The following RAD54B variants were observed in gnomAD, a reference collection of about 807,000 sequenced individuals.
RAD54B encodes the protein DNA repair and recombination protein RAD54B.
A neutral mutation model predicts 95.8 loss-of-function variants in RAD54B; 78 were observed. The ratio of observed to expected loss-of-function variants is 0.81; its 90% CI spans 0.68 to 0.98. The LOEUF (loss-of-function observed/expected upper bound fraction) is 0.98. Ranked by LOEUF, RAD54B falls within the 50% of genes least tolerant of loss-of-function variation. The pLI is 0.00. For missense variants in RAD54B, 957 were observed against 1,056.6 expected, an observed-to-expected ratio of 0.91 and a Z score of 1.31; for synonymous variants, 328 against 354.9, an observed-to-expected ratio of 0.92 and a Z score of 0.85.
intron 3 of RAD54B, chr8:94,428,296 A>T (rs2130091168): frequency 1.0e-6 from 1 of 982,230 alleles, no homozygotes; most frequent in Non-Finnish European, 1.2e-6. Flanking sequence ...TTGTAATTAA[A>T]GCTCATGGAC....
chr8:94,387,956 CT>C (rs985226874), intron 10 of RAD54B, among the ~76,000 whole-genome samples: 15 of 152,150 alleles, frequency 9.9e-5, no homozygotes, highest in African/African-American at 1.4e-4. Context: ...ACCTAAACCC[CT>C]TGTCTGGAAT....
At chr8:94,449,346 G>A (rs1421796555) in intron 3 of RAD54B, among the ~76,000 whole-genome samples, 1 of 151,908 alleles carries the variant, frequency 6.6e-6, no homozygotes, top group Non-Finnish European at 1.5e-5. Flanking sequence ...AGTGGCTCAC[G>A]CCTGTAATCC....
intron 4 of RAD54B, among the ~76,000 whole-genome samples, chr8:94,408,072 A>G (rs888569039): frequency 3.9e-5 from 6 of 152,164 alleles, no homozygotes; most frequent in African/African-American, 1.2e-4. Flanking sequence ...CAGAAACATC[A>G]TGGTACCTCT....
chr8:94,400,291 C>A lies in RAD54B; in HGVS notation c.1117G>T (p.Glu373Ter). Residue 373 changes from glutamate to a stop codon, truncating the protein, a stop_gained, in exon 7 of 15, where the codon GAA becomes TAA. Coordinates refer to ENST00000336148, the MANE Select transcript of RAD54B (RefSeq NM_012415.3). LOFTEE classifies it high-confidence loss of function. ...PGSLVNNWKK[E>*]FQKWLGSERI... ...TCACTTCCTAGCCATTTTTGAAATTCTTTCTTCCAATTATTCACCAAGCTT... is the reference window on the plus strand; with the variant it reads ...TCACTTCCTAGCCATTTTTGAAATTATTTCTTCCAATTATTCACCAAGCTT... 6.2e-7 allele frequency: 1 copy of A among 1,613,720 alleles called. No homozygotes were observed. The highest frequency in any genetic ancestry group is 1.1e-5 in the South Asian group (1 of 91,070).
At chr8:94,380,984 C>T (rs1810725517) in intron 11 of RAD54B, among the ~76,000 whole-genome samples, 1 of 152,088 alleles carries the variant, frequency 6.6e-6, no homozygotes, top group Non-Finnish European at 1.5e-5. Flanking sequence ...AAACTTAGAC[C>T]AGGGAACTGA....
At chr8:94,405,189 T>C (rs1157174294) in intron 5 of RAD54B, among the ~76,000 whole-genome samples, 1 of 152,052 alleles carries the variant, frequency 6.6e-6, no homozygotes, top group Non-Finnish European at 1.5e-5. Context: ...CTAACACAAT[T>C]TAAAAGATTT....
intron 3 of RAD54B, among the ~76,000 whole-genome samples, chr8:94,441,343 A>T (rs1357428863): frequency 6.6e-6 from 1 of 152,198 alleles, no homozygotes; most frequent in African/African-American, 2.4e-5. Flanking sequence ...GGCCTCCAGA[A>T]CATCTAACCA....
At chr8:94,471,226 A>G (rs10106494) in intron 1 of RAD54B, among the ~76,000 whole-genome samples, 45,962 of 145,720 alleles carry the variant, frequency 0.32, 7,528 homozygotes, top group East Asian at 0.44. Context: ...TACACAGAAG[A>G]GGTTCAGTAT....
At chr8:94,415,824 T>C (rs1320164043) in intron 3 of RAD54B, among the ~76,000 whole-genome samples, 1 of 149,878 alleles carries the variant, frequency 6.7e-6, no homozygotes, top group African/African-American at 2.4e-5. Context: ...GGAGATACCA[T>C]CTCACACCAG....
At chr8:94,427,677 A>G (rs1586161171) in intron 3 of RAD54B, 1 of 975,690 alleles carries the variant, frequency 1.0e-6, no homozygotes, top group Admixed American at 6.2e-5. Context: ...GTACTGAATT[A>G]TTTGTCTTAA....
intron 2 of RAD54B, among the ~76,000 whole-genome samples, chr8:94,463,963 T>G (rs1357543790): frequency 1.3e-5 from 2 of 151,100 alleles, no homozygotes; most frequent in African/African-American, 4.9e-5. Context: ...CACAAAAATT[T>G]GTACACAAAC....
At chr8:94,424,338 C>A (rs1253361504) in intron 3 of RAD54B, among the ~76,000 whole-genome samples, 2 of 152,168 alleles carry the variant, frequency 1.3e-5, no homozygotes, top group Non-Finnish European at 2.9e-5. Context: ...ACTTACCTCG[C>A]AAACCTACTG....
At position 94,398,912 on chromosome 8, in the gene RAD54B, A is replaced by G. The variant is rs560140543; in HGVS notation, c.1378+502T>C. Among the ~76,000 whole-genome samples, 9 of 152,232 alleles carry G rather than the reference A, an allele frequency of 5.9e-5. No homozygotes were observed. The East Asian group carries it at 1.7e-3, about 29-fold the overall frequency. ...TAGCATATACATATAAAAATAACTG[A>G]TATTTATATTAAACACTTACCACAT... is the stretch of plus-strand genomic sequence containing the variant. On this transcript the variant is annotated intron_variant, in intron 8 of 14. Coordinates refer to ENST00000336148, the MANE Select transcript of RAD54B (RefSeq NM_012415.3).
intron 3 of RAD54B, among the ~76,000 whole-genome samples, chr8:94,450,327 C>G (rs889284917): frequency 6.6e-6 from 1 of 152,160 alleles, no homozygotes; most frequent in African/African-American, 2.4e-5. Flanking sequence ...ATCAAAGTCT[C>G]TTTGAGACTG....
chr8:94,382,616 T>TAACTTATC (rs1810772224), intron 11 of RAD54B, among the ~76,000 whole-genome samples: 1 of 152,184 alleles, frequency 6.6e-6, no homozygotes. Context: ...TTAATATGAT[T>TAACTTATC]TGGCTCTGTG....
At chr8:94,411,467 T>C in intron 3 of RAD54B, 152 bp from the exon 4 acceptor site, 1 of 605,278 alleles carries the variant, frequency 1.7e-6, no homozygotes, top group Non-Finnish European at 2.7e-6. Flanking sequence ...TAGCATTTTA[T>C]AAACTAAGAA....
At chr8:94,382,135 G>T (rs946052759) in intron 11 of RAD54B, among the ~76,000 whole-genome samples, 6 of 147,100 alleles carry the variant, frequency 4.1e-5, no homozygotes, top group Non-Finnish European at 9.0e-5. Flanking sequence ...AAAAAAGAGA[G>T]CGAGAAAGGA....
chr8:94,396,200 TA>T (rs1304561182), intron 8 of RAD54B, among the ~76,000 whole-genome samples: 1 of 152,054 alleles, frequency 6.6e-6, no homozygotes, highest in Non-Finnish European at 1.5e-5. Flanking sequence ...AGTGGTAATT[TA>T]GATCCCCATT....
chr8:94,377,954 C>T (rs1810634845), intron 14 of RAD54B, among the ~76,000 whole-genome samples: 1 of 105,724 alleles, frequency 9.5e-6, no homozygotes, highest in South Asian at 3.5e-4. Context: ...CCAGCCTGGG[C>T]GACAGAGCGA....
Sources: allele counts gnomAD v4.1 joint callset (sites outside exome capture counted in the v4.1 genomes callset), GRCh38; gene constraint gnomAD v4.1.1; transcripts MANE v1.5; gene names NCBI Gene and HGNC (gene_info 2026-07-23, HGNC 2026-07-21).